Variants in SHANK2 observed in about 807,000 individuals in gnomAD.
The protein encoded by SHANK2 is SH3 and multiple ankyrin repeat domains 2.
SHANK2 carries 43 observed loss-of-function variants against 133.7 expected under a neutral mutation model. That is an observed-to-expected ratio of 0.32 (90% CI 0.25 to 0.41). The LOEUF is 0.41. Among genes scored for constraint, SHANK2 ranks in the 10% least tolerant of loss-of-function variants. SHANK2 has a pLI of 1.00. For synonymous variants in SHANK2, 1,017 were observed against 952.8 expected (o/e 1.07, Z -1.24); for missense variants, 1,994 against 2,235.8 (o/e 0.89, Z 2.18).
intron 14 of SHANK2, among the ~76,000 whole-genome samples, chr11:70,753,255 C>T (rs1028958534): frequency 2.0e-5 from 3 of 149,492 alleles, no homozygotes; most frequent in Non-Finnish European, 3.0e-5. Flanking sequence ...CACATTCCTA[C>T]GTTCTCAGCA....
rs372302791 is a variant in SHANK2 at position 70,661,816 on chromosome 11, G to A, written c.1854-138C>T. ...CCAGATCCAGGCAGCATGGAGGAAA[G>A]GAGGCAGCGAGGGTGCAGGAGGAGC... On this transcript the variant is annotated intron_variant, in intron 15 of 25. Coordinates refer to ENST00000601538, the MANE Select transcript of SHANK2 (RefSeq NM_012309.5). 1.9e-5 allele frequency: 30 copies of A among 1,610,862 alleles called. No homozygotes were observed. The African/African-American group carries it at 3.9e-4, about 21-fold the overall frequency.
chr11:70,615,991 G>C (rs1207917969), intron 17 of SHANK2, among the ~76,000 whole-genome samples: 1 of 152,184 alleles, frequency 6.6e-6, no homozygotes, highest in Non-Finnish European at 1.5e-5. Context: ...TGAGGAAGGA[G>C]TGGCAGACAG....
intron 2 of SHANK2, among the ~76,000 whole-genome samples, chr11:71,205,181 C>A (rs1274616189): frequency 6.6e-6 from 1 of 152,190 alleles, no homozygotes; most frequent in Non-Finnish European, 1.5e-5. Context: ...AGAGGCCTGA[C>A]CACAGAAGTA....
intron 11 of SHANK2, among the ~76,000 whole-genome samples, chr11:70,890,557 T>C (rs1406490089): frequency 6.6e-6 from 1 of 151,180 alleles, no homozygotes; most frequent in Non-Finnish European, 1.5e-5. Flanking sequence ...CCCAGTACTT[T>C]GGGAGGCTGA....
intron 10 of SHANK2, among the ~76,000 whole-genome samples, chr11:70,914,670 A>AATAAAAT (rs1555079600): frequency 7.4e-6 from 1 of 135,086 alleles, no homozygotes; most frequent in African/African-American, 3.0e-5. Flanking sequence ...AAAAAAAATA[A>AATAAAAT]ATAAAATAAA....
rs782534974 is a variant in SHANK2 at position 70,718,520 on chromosome 11, G to A, written c.1778-19757C>T. 1.1e-4 allele frequency among the ~76,000 whole-genome samples: 17 copies of A among 152,168 alleles called. No homozygotes were observed. The South Asian group carries it at 1.4e-3, about 13-fold the overall frequency. Reference sequence around the variant, plus strand: ...CTGCAGATTCCATCTGCAAGGTCACGGCCAGCAGTCCACCCTGCATCAGGG... The same window carrying A: ...CTGCAGATTCCATCTGCAAGGTCACAGCCAGCAGTCCACCCTGCATCAGGG... On this transcript the variant is annotated intron_variant, in intron 14 of 25. Transcript: ENST00000601538.
chr11:70,533,842 A>C (rs1245895981), intron 17 of SHANK2, among the ~76,000 whole-genome samples: 3 of 152,052 alleles, frequency 2.0e-5, no homozygotes, highest in African/African-American at 7.2e-5. Flanking sequence ...TGGACATTTC[A>C]TGAAAATGGA....
At chr11:71,110,234 C>T (rs983745530) in intron 5 of SHANK2, among the ~76,000 whole-genome samples, 185 bp from the exon 6 acceptor site, 16 of 152,120 alleles carry the variant, frequency 1.1e-4, no homozygotes, top group Admixed American at 3.9e-4. Context: ...GTCAGGAGAT[C>T]GAGACCATCC....
intron 21 of SHANK2, among the ~76,000 whole-genome samples, chr11:70,493,005 A>C (rs556279970): frequency 2.6e-5 from 4 of 151,624 alleles, no homozygotes; most frequent in Non-Finnish European, 4.4e-5. Context: ...CATGTTGGCC[A>C]GGCTGATCTT....
At position 70,804,222 on chromosome 11, in the gene SHANK2, G is replaced by T. The variant is rs192021062; in HGVS notation, c.1663+2780C>A. On this transcript the variant is annotated intron_variant, in intron 13 of 25. Coordinates refer to ENST00000601538, the MANE Select transcript of SHANK2 (RefSeq NM_012309.5). The surrounding 1 kb of genome is among the most constrained non-coding windows in gnomAD (Gnocchi z 4.1). ...TCAAGGGGACAGAATTCCTCCAAAC[G>T]GCCTTGGCTCTGCAGGCAGTGGATC... Among the ~76,000 whole-genome samples the T allele has an allele frequency of 2.7e-3, 406 of 152,316 alleles. 3 individuals are homozygous for T. The highest frequency in any genetic ancestry group is 5.0e-3 in the Non-Finnish European group (337 of 68,028).
intron 11 of SHANK2, among the ~76,000 whole-genome samples, chr11:70,867,317 A>G (rs1949380710): frequency 6.6e-6 from 1 of 152,206 alleles, no homozygotes; most frequent in Non-Finnish European, 1.5e-5. Context: ...GGGAGGACCA[A>G]TGAGGAGAGT....
At chr11:70,528,556 G>T (rs891427651) in intron 17 of SHANK2, among the ~76,000 whole-genome samples, 16 of 152,120 alleles carry the variant, frequency 1.1e-4, no homozygotes, top group Non-Finnish European at 1.5e-4. Context: ...CAGCCAGCGT[G>T]GGGGCAGCAG....
At chr11:71,084,525 C>T (rs1162535266) in intron 8 of SHANK2, among the ~76,000 whole-genome samples, 1 of 152,232 alleles carries the variant, frequency 6.6e-6, no homozygotes, top group African/African-American at 2.4e-5. Flanking sequence ...GATGAACGCC[C>T]AGAACCCTGG....
intron 3 of SHANK2, among the ~76,000 whole-genome samples, chr11:71,124,091 G>A (rs1555102065): frequency 1.4e-5 from 2 of 146,782 alleles, no homozygotes; most frequent in East Asian, 2.1e-4. Context: ...TGGTAATGGC[G>A]ATGATAGTGA....
chr11:70,838,119 C>G (rs1555060557), intron 11 of SHANK2, among the ~76,000 whole-genome samples: 1 of 151,858 alleles, frequency 6.6e-6, no homozygotes, highest in Non-Finnish European at 1.5e-5. Context: ...TGTGAAATGT[C>G]TTCCCACCAT....
At chr11:70,505,064 G>A (rs2135845221) in intron 17 of SHANK2, among the ~76,000 whole-genome samples, 1 of 152,324 alleles carries the variant, frequency 6.6e-6, no homozygotes, top group South Asian at 2.1e-4. Flanking sequence ...GACACACAAA[G>A]AAGTGAACAC....
intron 17 of SHANK2, among the ~76,000 whole-genome samples, chr11:70,657,540 C>T (rs2061418906): frequency 6.6e-6 from 1 of 152,148 alleles, no homozygotes; most frequent in African/African-American, 2.4e-5. Context: ...CTGGGAGGAG[C>T]CAGGATCGTG....
chr11:70,780,651 G>A (rs922875273), intron 14 of SHANK2, among the ~76,000 whole-genome samples: 29 of 146,996 alleles, frequency 2.0e-4, no homozygotes, highest in African/African-American at 2.5e-5. Context: ...TCGGCTCACT[G>A]CAACCTCTAC....
intron 1 of SHANK2, among the ~76,000 whole-genome samples, chr11:71,238,369 G>A (rs782239884): frequency 6.6e-6 from 1 of 152,322 alleles, no homozygotes; most frequent in Non-Finnish European, 1.5e-5. Context: ...GCTTACCATA[G>A]TCTCAGCTTT....
Sources: allele counts gnomAD v4.1 joint callset (sites outside exome capture counted in the v4.1 genomes callset), GRCh38; gene constraint gnomAD v4.1.1; non-coding constraint Gnocchi (gnomAD v3.1); transcripts MANE v1.5; gene names NCBI Gene and HGNC (gene_info 2026-07-23, HGNC 2026-07-21).